Variants in DCAF8L2 observed in about 807,000 individuals in gnomAD.
DCAF8L2 encodes the protein DDB1 and CUL4 associated factor 8 like 2, also known as DDB1- and CUL4-associated factor 8-like protein 2.
For missense variants in DCAF8L2, 430 were observed against 490.7 expected (o/e 0.88, Z 1.17); for synonymous variants, 200 against 190.9 (o/e 1.05, Z -0.39).
the DCAF8L2 span, among the ~76,000 whole-genome samples, chrX:27,512,681 T>TA: frequency 0.039 from 2,846 of 72,610 alleles, 127 homozygotes; most frequent in African/African-American, 0.11. Context: ...GAGACTCTGT[T>TA]AAAAAAAAAA....
the DCAF8L2 span, among the ~76,000 whole-genome samples, chrX:27,482,044 G>C: frequency 9.0e-6 from 1 of 111,281 alleles, no homozygotes; most frequent in African/African-American, 3.3e-5. Flanking sequence ...TGAAAACTTA[G>C]TTGTCTATGA....
chrX:27,549,617 A>G, the DCAF8L2 span, among the ~76,000 whole-genome samples: 3 of 111,745 alleles, frequency 2.7e-5, no homozygotes, highest in Non-Finnish European at 5.6e-5. Context: ...TGAATGAGAA[A>G]ACATCACTGA....
At chrX:27,494,947 A>G in the DCAF8L2 span, among the ~76,000 whole-genome samples, 6,961 of 110,963 alleles carry the variant, frequency 0.063, 529 homozygotes, top group African/African-American at 0.21. Context: ...TTTTTTTTGC[A>G]TGAGTTGTTT....
chrX:27,510,559 CTA>C, the DCAF8L2 span, among the ~76,000 whole-genome samples: 66 of 104,420 alleles, frequency 6.3e-4, no homozygotes, highest in South Asian at 5.4e-3. Context: ...AGCTGTATTA[CTA>C]TATATATATA....
intron 2 of DCAF8L2, among the ~76,000 whole-genome samples, chrX:27,671,756 T>C (rs1466461098): frequency 1.8e-5 from 2 of 112,049 alleles, no homozygotes; most frequent in East Asian, 5.6e-4. Context: ...GCATTCCCAT[T>C]TGCTAAATAT....
At chrX:27,558,756 C>A in the DCAF8L2 span, among the ~76,000 whole-genome samples, 1 of 91,139 alleles carries the variant, frequency 1.1e-5, no homozygotes, top group Non-Finnish European at 2.2e-5. Context: ...CTATCCCTCC[C>A]CCCTCCCCCC....
At chrX:27,495,196 T>C in the DCAF8L2 span, among the ~76,000 whole-genome samples, 7 of 112,098 alleles carry the variant, frequency 6.2e-5, no homozygotes, top group African/African-American at 2.3e-4. Flanking sequence ...TTGGAATCTT[T>C]GTCAAAACTC....
the DCAF8L2 span, among the ~76,000 whole-genome samples, chrX:27,570,779 T>C: frequency 1.8e-5 from 2 of 111,995 alleles, no homozygotes; most frequent in African/African-American, 6.5e-5. Flanking sequence ...CTTTTAAATA[T>C]TTACTTAATG....
At chrX:27,554,650 A>G in the DCAF8L2 span, among the ~76,000 whole-genome samples, 3 of 112,108 alleles carry the variant, frequency 2.7e-5, 1 homozygote, top group South Asian at 1.1e-3. Context: ...GAGGAAAGCC[A>G]TGCAGTCTGC....
intron 4 of DCAF8L2, among the ~76,000 whole-genome samples, chrX:27,738,339 T>C (rs1185142447): frequency 1.8e-5 from 2 of 111,908 alleles, no homozygotes; most frequent in African/African-American, 3.2e-5. Flanking sequence ...AAGCTTCATA[T>C]GTACTTGCAG....
At chrX:27,478,450 G>A in the DCAF8L2 span, among the ~76,000 whole-genome samples, 8 of 111,821 alleles carry the variant, frequency 7.2e-5, no homozygotes, top group African/African-American at 2.6e-4. Flanking sequence ...AATAAAGAAT[G>A]TCTCACCCAT....
intron 2 of DCAF8L2, among the ~76,000 whole-genome samples, chrX:27,648,897 A>G (rs779241842): frequency 1.8e-5 from 2 of 112,073 alleles, no homozygotes; most frequent in Non-Finnish European, 3.8e-5. Flanking sequence ...AGTTATATTT[A>G]CTGGCTGGCA....
chrX:27,607,794 ATTTC>A (rs1290208203), intron 1 of DCAF8L2, among the ~76,000 whole-genome samples: 1 of 111,490 alleles, frequency 9.0e-6, no homozygotes, highest in East Asian at 2.8e-4. Flanking sequence ...TCCAAGACCT[ATTTC>A]TTTATTTCTT....
chrX:27,683,805 C>A (rs1286581661), intron 3 of DCAF8L2, among the ~76,000 whole-genome samples: 2 of 111,954 alleles, frequency 1.8e-5, no homozygotes, highest in African/African-American at 3.2e-5. Flanking sequence ...AACTTACTCT[C>A]CAGAGTTCCC....
chrX:27,485,945 T>TTTTA, the DCAF8L2 span, among the ~76,000 whole-genome samples: 3 of 93,932 alleles, frequency 3.2e-5, no homozygotes, highest in African/African-American at 8.7e-5. Flanking sequence ...TTTTTTTTTT[T>TTTTA]GTGGTAGAAA....
chrX:27,651,116 G>A (rs1051905280), intron 2 of DCAF8L2, among the ~76,000 whole-genome samples: 2 of 111,820 alleles, frequency 1.8e-5, no homozygotes, highest in Non-Finnish European at 3.8e-5. Flanking sequence ...TGCATATGTC[G>A]AACCAAACTT....
chrX:27,487,649 A>G, the DCAF8L2 span, among the ~76,000 whole-genome samples: 5 of 112,506 alleles, frequency 4.4e-5, no homozygotes, highest in Non-Finnish European at 9.4e-5. Context: ...TATGTAATTT[A>G]TATAGCATAA....
chrX:27,546,355 G>A, the DCAF8L2 span, among the ~76,000 whole-genome samples: 1 of 111,983 alleles, frequency 8.9e-6, no homozygotes, highest in South Asian at 3.8e-4. Flanking sequence ...GCTTATATGG[G>A]CTGGCGTTGA....
At chrX:27,491,410 G>A in the DCAF8L2 span, among the ~76,000 whole-genome samples, 1 of 112,078 alleles carries the variant, frequency 8.9e-6, no homozygotes, top group Admixed American at 9.5e-5. Flanking sequence ...TTTTATTTCA[G>A]CAGTCTCAAT....
Sources: allele counts gnomAD v4.1 joint callset (sites outside exome capture counted in the v4.1 genomes callset), GRCh38; gene constraint gnomAD v4.1.1; transcripts MANE v1.5; gene names NCBI Gene and HGNC (gene_info 2026-07-23, HGNC 2026-07-21).